Variants in WDR27 observed in about 807,000 individuals in gnomAD.
WDR27 encodes the protein WD repeat-containing protein 27.
WDR27 carries 100 observed loss-of-function variants against 114.4 expected under a neutral mutation model. The ratio of observed to expected loss-of-function variants is 0.87; its 90% CI spans 0.74 to 1.03. The LOEUF (loss-of-function observed/expected upper bound fraction) is 1.03, where lower values mean the gene tolerates loss of function less well. WDR27 is among the 50% of genes least tolerant of loss of function. WDR27 has a pLI of 0.00. For missense variants in WDR27, 1,129 were observed against 1,092.9 expected (o/e 1.03, Z -0.47); for synonymous variants, 449 against 423.1 (o/e 1.06, Z -0.75).
intron 24 of WDR27, among the ~76,000 whole-genome samples, chr6:169,572,807 T>C (rs570432233): frequency 6.6e-6 from 1 of 152,314 alleles, no homozygotes; most frequent in East Asian, 1.9e-4. Flanking sequence ...GTTGAGAAAG[T>C]AATCTATCTT....
intron 1 of WDR27, among the ~76,000 whole-genome samples, chr6:169,691,288 A>G (rs2128304178): frequency 6.6e-6 from 1 of 152,360 alleles, no homozygotes; most frequent in East Asian, 1.9e-4. Context: ...TATTTGGAGA[A>G]AAACAAAATA....
At chr6:169,650,388 TC>T (rs1217086979) in intron 14 of WDR27, among the ~76,000 whole-genome samples, 1 of 134,584 alleles carries the variant, frequency 7.4e-6, no homozygotes, top group Non-Finnish European at 1.6e-5. Flanking sequence ...CACCCACTCA[TC>T]CGTCATCCCT....
Position 169,457,351 on chromosome 6 carries a change from T to C in WDR27, c.*241A>G, listed in dbSNP as rs1784405320. On this transcript the variant is annotated 3_prime_UTR_variant, in exon 26 of 26. Coordinates refer to ENST00000448612, the MANE Select transcript of WDR27 (RefSeq NM_182552.5). ...TTTACCAAATTCTGTGCAGAAGTAC[T>C]GGACGCCATTTCCATTTTCCCAATG... 2.4e-6 allele frequency: 1 copy of C among 416,196 alleles called. No homozygotes were observed. The highest frequency in any genetic ancestry group is 4.3e-6 in the Non-Finnish European group (1 of 231,044). The allele number at this position is 416,196 out of a possible 1,614,324, so 25.8% of individuals were successfully genotyped here.
At chr6:169,637,442 C>T (rs564493534) in intron 18 of WDR27, among the ~76,000 whole-genome samples, 7 of 152,334 alleles carry the variant, frequency 4.6e-5, no homozygotes, top group Non-Finnish European at 5.9e-5. Context: ...TGTAAGTGTG[C>T]GCATGTGTAT....
At chr6:169,612,780 A>T (rs967437405) in intron 22 of WDR27, among the ~76,000 whole-genome samples, 6 of 152,222 alleles carry the variant, frequency 3.9e-5, no homozygotes, top group African/African-American at 1.4e-4. Context: ...ATAATAAACA[A>T]AAAGAATTTT....
In WDR27 at chr6:169,549,688, G is replaced by A. The variant is rs149183508; in HGVS notation, c.2645+22731C>T. Among the ~76,000 whole-genome samples, 661 of 152,294 alleles carry A rather than the reference G, an allele frequency of 4.3e-3. 4 individuals carry two copies. The highest frequency in any genetic ancestry group is 0.031 in the Middle Eastern group (9 of 294). On this transcript the variant is annotated intron_variant, in intron 25 of 25. Coordinates refer to ENST00000448612, the MANE Select transcript of WDR27 (RefSeq NM_182552.5). ...CATCCAGATGACAGAGTGTGATCCA[G>A]CACTAAAAAGAAGTGAGCAAGCAAG...
At chr6:169,567,643 C>A (rs1247291941) in intron 25 of WDR27, among the ~76,000 whole-genome samples, 1 of 152,166 alleles carries the variant, frequency 6.6e-6, no homozygotes, top group Admixed American at 6.5e-5. Context: ...GTGTGGCCCA[C>A]ACCTGTGCCA....
chr6:169,621,428 T>TCACACATATACATATGCACACATGCACA (rs1813185540), intron 21 of WDR27, among the ~76,000 whole-genome samples: 3 of 147,868 alleles, frequency 2.0e-5, no homozygotes, highest in Admixed American at 1.4e-4. Flanking sequence ...ACACGCGCAT[T>TCACACATATACATATGCACACATGCACA]CACACATATA....
intron 25 of WDR27, among the ~76,000 whole-genome samples, chr6:169,552,250 C>A (rs535620732): frequency 6.6e-6 from 1 of 152,190 alleles, no homozygotes; most frequent in Non-Finnish European, 1.5e-5. Flanking sequence ...AGCTGCCCCC[C>A]ACTTCCTTCC....
chr6:169,592,598 T>C (rs535687761), intron 23 of WDR27, among the ~76,000 whole-genome samples: 2 of 152,374 alleles, frequency 1.3e-5, no homozygotes, highest in Non-Finnish European at 2.9e-5. Flanking sequence ...CTAATTATCT[T>C]GGGTTTTCCA....
chr6:169,682,420 C>G (rs1562923624), intron 2 of WDR27, among the ~76,000 whole-genome samples: 1 of 152,230 alleles, frequency 6.6e-6, no homozygotes, highest in Admixed American at 6.5e-5. Flanking sequence ...AGTACCCACG[C>G]TGAGTCCTAC....
chr6:169,500,570 G>A (rs1791051405), intron 25 of WDR27, among the ~76,000 whole-genome samples: 1 of 152,184 alleles, frequency 6.6e-6, no homozygotes, highest in Middle Eastern at 3.2e-3. Context: ...GGCCTGCGGA[G>A]CAGAAGTGGC....
chr6:169,471,158 G>A lies in WDR27; in HGVS notation c.2646-13524C>T, dbSNP rs149757667. 1.0e-2 allele frequency among the ~76,000 whole-genome samples: 1,496 copies of A among 150,068 alleles called. 24 individuals carry two copies. The highest frequency in any genetic ancestry group is 0.034 in the African/African-American group (1,389 of 41,018). ...ATTAAGTTGGTGCAAAAGTAATTGC[G>A]GTTTTTGTCACTGCAGTGGCAAAAC... is the stretch of plus-strand genomic sequence containing the variant. On this transcript the variant is annotated intron_variant, in intron 25 of 25. Transcript: ENST00000448612.
intron 13 of WDR27, 99 bp from the exon 14 acceptor site, chr6:169,652,107 C>A: frequency 9.6e-7 from 1 of 1,037,260 alleles, no homozygotes; most frequent in Non-Finnish European, 1.4e-6. Context: ...GAAACATTCA[C>A]ACAAACAGAA....
At chr6:169,671,488 T>C (rs1423554231) in intron 3 of WDR27, 3 of 152,260 alleles carry the variant, frequency 2.0e-5, no homozygotes. Flanking sequence ...TTTGCATTTA[T>C]GTTTTAATGT....
At chr6:169,604,277 A>G (rs1808656449) in intron 22 of WDR27, among the ~76,000 whole-genome samples, 1 of 152,208 alleles carries the variant, frequency 6.6e-6, no homozygotes, top group African/African-American at 2.4e-5. Context: ...AGACATTACA[A>G]CCAATACCAC....
chr6:169,428,613 G>C, the WDR27 span, among the ~76,000 whole-genome samples: 1 of 150,826 alleles, frequency 6.6e-6, no homozygotes, highest in African/African-American at 2.4e-5. Flanking sequence ...GGGGGAGGGG[G>C]GGGTTCTACT....
At chr6:169,457,973 C>CGGAGGAGGGGGA (rs1784464132) in intron 25 of WDR27, among the ~76,000 whole-genome samples, 1 of 111,740 alleles carries the variant, frequency 8.9e-6, no homozygotes, top group Non-Finnish European at 1.8e-5. Flanking sequence ...GCACTCCTGA[C>CGGAGGAGGGGGA]GGAGGAGGAG....
intron 25 of WDR27, among the ~76,000 whole-genome samples, chr6:169,552,147 C>A (rs183075999): frequency 6.6e-6 from 1 of 152,150 alleles, no homozygotes; most frequent in Non-Finnish European, 1.5e-5. Flanking sequence ...CAGGCTCCAT[C>A]CTGCTCGGGC....
Sources: gnomAD v4.1 joint callset for allele counts (sites outside exome capture counted in the v4.1 genomes callset) on GRCh38, gnomAD v4.1.1 for gene constraint, MANE v1.5 for transcripts, NCBI Gene and HGNC (gene_info 2026-07-23, HGNC 2026-07-21) for gene names.